Variants in ASTN2 observed in about 807,000 individuals in gnomAD.
ASTN2 encodes the protein astrotactin 2.
In ASTN2, 54 loss-of-function variants were observed where a neutral mutation model predicts 139.8. That is an observed-to-expected ratio of 0.39 (90% confidence interval 0.31 to 0.48). The LOEUF (loss-of-function observed/expected upper bound fraction) is 0.48, where lower values mean the gene tolerates loss of function less well. ASTN2 is among the 20% of genes least tolerant of loss of function. The pLI is 0.95. For synonymous variants in ASTN2, 756 were observed against 719.5 expected (o/e 1.05, Z -0.81); for missense variants, 1,565 against 1,725.1 (o/e 0.91, Z 1.64).
At chr9:116,637,974 T>C (rs1336023392) in intron 17 of ASTN2, among the ~76,000 whole-genome samples, 3 of 152,144 alleles carry the variant, frequency 2.0e-5, no homozygotes, top group African/African-American at 7.2e-5. Flanking sequence ...AAGGATGTTC[T>C]AGTAGTGGTG....
chr9:117,175,733 A>T (rs1405508836), intron 3 of ASTN2, among the ~76,000 whole-genome samples: 1 of 152,172 alleles, frequency 6.6e-6, no homozygotes, highest in Non-Finnish European at 1.5e-5. Flanking sequence ...ATGGTTAAAG[A>T]CTGAAATGTT....
chr9:116,593,900 G>A (rs1348474217), intron 19 of ASTN2, among the ~76,000 whole-genome samples: 1 of 152,016 alleles, frequency 6.6e-6, no homozygotes, highest in Non-Finnish European at 1.5e-5. Flanking sequence ...ATTCACAAAG[G>A]CCGCACATCC....
At chr9:116,748,943 C>A (rs1299769821) in intron 13 of ASTN2, among the ~76,000 whole-genome samples, 1 of 152,132 alleles carries the variant, frequency 6.6e-6, no homozygotes, top group East Asian at 1.9e-4. Context: ...GATGAGAAGA[C>A]CTATTCTCAT....
intron 19 of ASTN2, among the ~76,000 whole-genome samples, chr9:116,553,916 G>C (rs1852470606): frequency 6.6e-6 from 1 of 152,170 alleles, no homozygotes; most frequent in East Asian, 1.9e-4. Flanking sequence ...ATTAGCTATG[G>C]GTGGATGCAT....
At chr9:116,462,787 CAT>C (rs1848529159) in intron 20 of ASTN2, among the ~76,000 whole-genome samples, 1 of 97,554 alleles carries the variant, frequency 1.0e-5, no homozygotes, top group African/African-American at 3.7e-5. Context: ...GTTGGGTGAG[CAT>C]GTGTGTGTGT....
At position 116,799,569 on chromosome 9, in the gene ASTN2, T is replaced by G. The variant is rs149424304; in HGVS notation, c.2396+6063A>C. ...GCTCAGTCCCCATTCCCAAGCAGCT[T>G]TTCCTTCCTGTCATTTCTGAGACAC... On this transcript the variant is annotated intron_variant, in intron 13 of 22. Transcript: ENST00000313400. Among the ~76,000 whole-genome samples, 2 of 151,992 alleles carry G rather than the reference T, an allele frequency of 1.3e-5. 1 individual carries two copies. Among genetic ancestry groups the G allele is most frequent in the South Asian group, 4.2e-4 (2 of 4,812 alleles).
Position 116,531,274 on chromosome 9 carries a change from T to C in ASTN2, c.3356-43774A>G, listed in dbSNP as rs980265694. The stretch of plus-strand genomic sequence containing the variant: ...TTCATTCGTATTTATGTCTTAAATG[T>C]ATGGCCATGGTACTCAAATATGGCA... On this transcript the variant is annotated intron_variant, in intron 19 of 22. Transcript: ENST00000313400. Among the ~76,000 whole-genome samples the C allele has an allele frequency of 2.6e-5, 4 of 152,350 alleles. No individual in the cohort carries two copies. In the South Asian group the frequency reaches 8.3e-4, roughly 32 times the overall value.
chr9:116,712,221 A>C (rs1828182877), intron 16 of ASTN2, among the ~76,000 whole-genome samples: 1 of 152,088 alleles, frequency 6.6e-6, no homozygotes, highest in African/African-American at 2.4e-5. Context: ...TACCTTCTCC[A>C]TACCCACCTG....
At chr9:116,683,971 C>A (rs1860046858) in intron 16 of ASTN2, among the ~76,000 whole-genome samples, 1 of 152,184 alleles carries the variant, frequency 6.6e-6, no homozygotes, top group Non-Finnish European at 1.5e-5. Context: ...TAACCTCAGA[C>A]CTTGTCTATA....
chr9:116,870,906 C>T (rs1028206542), intron 10 of ASTN2, among the ~76,000 whole-genome samples: 7 of 152,128 alleles, frequency 4.6e-5, no homozygotes, highest in African/African-American at 1.2e-4. Context: ...TGGTAATAGC[C>T]GACAACCTTG....
chr9:116,805,508 T>G, intron 13 of ASTN2, 124 bp downstream of exon 13: 16 of 870,920 alleles, frequency 1.8e-5, no homozygotes, highest in Non-Finnish European at 2.7e-5. Flanking sequence ...AGGGTACCTG[T>G]GAGCTTAAAG....
intron 19 of ASTN2, among the ~76,000 whole-genome samples, chr9:116,530,249 C>G (rs1423742620): frequency 6.7e-6 from 1 of 149,510 alleles, no homozygotes; most frequent in Non-Finnish European, 1.5e-5. Flanking sequence ...AAGCTAGGTA[C>G]TGAAAGACAA....
At chr9:117,190,389 C>T (rs529340566) in intron 3 of ASTN2, among the ~76,000 whole-genome samples, 4 of 152,284 alleles carry the variant, frequency 2.6e-5, no homozygotes, top group African/African-American at 4.8e-5. Context: ...TCTCTGCTCT[C>T]GTTAGTATCC....
chr9:117,391,102 T>G (rs1015337374), intron 1 of ASTN2, among the ~76,000 whole-genome samples: 1 of 152,180 alleles, frequency 6.6e-6, no homozygotes, highest in African/African-American at 2.4e-5. Flanking sequence ...TATCTGAGGT[T>G]AGTTGACTTG....
At chr9:116,887,746 C>A (rs1320942553) in intron 10 of ASTN2, among the ~76,000 whole-genome samples, 2 of 152,120 alleles carry the variant, frequency 1.3e-5, no homozygotes, top group African/African-American at 2.4e-5. Context: ...TGGCTCACTG[C>A]AGCTTCTATC....
chr9:117,061,388 T>C (rs921566649), intron 5 of ASTN2, among the ~76,000 whole-genome samples: 2 of 33,916 alleles, frequency 5.9e-5, no homozygotes, highest in Non-Finnish European at 7.5e-5. Flanking sequence ...CTATTATTAA[T>C]GTTGCTCTTT....
intron 19 of ASTN2, among the ~76,000 whole-genome samples, chr9:116,515,453 G>C (rs1053975650): frequency 6.6e-6 from 1 of 152,140 alleles, no homozygotes; most frequent in African/African-American, 2.4e-5. Flanking sequence ...CAGGATATGT[G>C]GCTAGAAGCC....
intron 2 of ASTN2, among the ~76,000 whole-genome samples, chr9:117,263,174 TAAG>T (rs1223954719): frequency 2.0e-5 from 3 of 152,150 alleles, no homozygotes; most frequent in Non-Finnish European, 4.4e-5. Context: ...TGGCTAAAAA[TAAG>T]AAGGACTCCT....
intron 10 of ASTN2, among the ~76,000 whole-genome samples, chr9:116,906,528 T>A (rs1342920395): frequency 6.6e-6 from 1 of 152,156 alleles, no homozygotes; most frequent in Non-Finnish European, 1.5e-5. Context: ...CCAACGCCCA[T>A]GGAATGCCAG....
Sources: gnomAD v4.1 joint callset for allele counts (sites outside exome capture counted in the v4.1 genomes callset) on GRCh38, gnomAD v4.1.1 for gene constraint, MANE v1.5 for transcripts, NCBI Gene and HGNC (gene_info 2026-07-23, HGNC 2026-07-21) for gene names.